CERT1: variants seen among roughly 807,000 people sequenced by gnomAD.
CERT1 encodes ceramide transfer protein.
Under a neutral mutation model 87.9 loss-of-function variants are expected in CERT1, and 31 were observed. The observed-to-expected ratio is 0.35, with a 90% CI of 0.27 to 0.48. CERT1 has a LOEUF of 0.48. CERT1 is among the 20% of genes least tolerant of loss of function. The pLI, the probability that CERT1 is intolerant of heterozygous loss-of-function variation, is 0.99. For missense variants in CERT1, 487 were observed against 758.0 expected, an observed-to-expected ratio of 0.64 and a Z score of 4.20; for synonymous variants, 289 against 250.9, an observed-to-expected ratio of 1.15 and a Z score of -1.44.
chr5:75,425,541 A>G (rs1763578721), intron 4 of CERT1, 42 bp from the exon 5 acceptor site: 3 of 1,599,506 alleles, frequency 1.9e-6, no homozygotes, highest in Non-Finnish European at 2.6e-6. Flanking sequence ...AAGTAAAACA[A>G]AACTGGATTT....
At chr5:75,432,048 T>C (rs1486146655) in intron 3 of CERT1, among the ~76,000 whole-genome samples, 4 of 144,522 alleles carry the variant, frequency 2.8e-5, no homozygotes, top group African/African-American at 5.3e-5. Context: ...GTATAAACAT[T>C]CCCCCCCCCT....
chr5:75,485,609 C>G (rs1766485846), intron 2 of CERT1, among the ~76,000 whole-genome samples: 1 of 151,764 alleles, frequency 6.6e-6, no homozygotes, highest in African/African-American at 2.4e-5. Flanking sequence ...AATTGACAAA[C>G]CTTTGATCAA....
At chr5:75,404,291 TAAAAA>T (rs11349407) in intron 8 of CERT1, among the ~76,000 whole-genome samples, 4 of 84,062 alleles carry the variant, frequency 4.8e-5, no homozygotes, top group African/African-American at 1.3e-4. Flanking sequence ...ACCTACTTCA[TAAAAA>T]AAAAAAAAAA....
intron 2 of CERT1, 39 bp downstream of exon 2, chr5:75,505,943 C>CTA: frequency 6.5e-7 from 1 of 1,548,570 alleles, no homozygotes; most frequent in South Asian, 1.1e-5. Flanking sequence ...AGCTGACACT[C>CTA]AATAAATATT....
chr5:75,383,692 A>G (rs989139642), intron 14 of CERT1, among the ~76,000 whole-genome samples: 1 of 150,768 alleles, frequency 6.6e-6, no homozygotes, highest in Non-Finnish European at 1.5e-5. Context: ...ATGTTTTCAT[A>G]TACTGCACTC....
intron 5 of CERT1, among the ~76,000 whole-genome samples, chr5:75,421,806 CAGTT>C (rs1451546255): frequency 6.6e-6 from 1 of 152,140 alleles, no homozygotes; most frequent in East Asian, 1.9e-4. Context: ...AAAGTTAAAA[CAGTT>C]TGTTACTCAC....
chr5:75,381,057 CAATAA>C lies in CERT1; in HGVS notation c.1747+10_1747+14del. 9 of 1,613,024 alleles carry C rather than the reference CAATAA, an allele frequency of 5.6e-6. No individual in the cohort carries two copies. The highest frequency in any genetic ancestry group is 7.6e-6 in the Non-Finnish European group (9 of 1,179,268). ...CAGCCACATTATCAAAGAGCAAAAA[CAATAA>C]AATACATACCATTAGCTACATATGT... On this transcript the variant is annotated intron_variant, in intron 16 of 16. Transcript: ENST00000643780.
At chr5:75,434,922 C>T (rs116405133) in intron 3 of CERT1, among the ~76,000 whole-genome samples, 313 of 151,956 alleles carry the variant, frequency 2.1e-3, no homozygotes, top group African/African-American at 7.4e-3. Flanking sequence ...CTTATTTTTC[C>T]AAAGAACCAA....
At chr5:75,422,190 C>T (rs1053061443) in intron 5 of CERT1, among the ~76,000 whole-genome samples, 5 of 152,104 alleles carry the variant, frequency 3.3e-5, no homozygotes, top group African/African-American at 1.2e-4. Context: ...TAAAGCTCCC[C>T]GAGATGATTA....
At chr5:75,490,676 C>A (rs1256806382) in intron 2 of CERT1, among the ~76,000 whole-genome samples, 1 of 151,636 alleles carries the variant, frequency 6.6e-6, no homozygotes, top group African/African-American at 2.4e-5. Context: ...TTTTTTATAT[C>A]TTTAGTAGAG....
chr5:75,416,591 T>C (rs1459557791), intron 7 of CERT1, among the ~76,000 whole-genome samples: 1 of 152,214 alleles, frequency 6.6e-6, no homozygotes, highest in Non-Finnish European at 1.5e-5. Context: ...GTGTGTAATG[T>C]TAAATGGCTC....
chr5:75,392,101 T>G (rs955706501), intron 11 of CERT1, among the ~76,000 whole-genome samples: 1 of 152,238 alleles, frequency 6.6e-6, no homozygotes, highest in African/African-American at 2.4e-5. Context: ...GTTTTTGATT[T>G]GTGGTTTTGT....
intron 2 of CERT1, among the ~76,000 whole-genome samples, chr5:75,479,347 G>A (rs1766121234): frequency 6.6e-6 from 1 of 151,850 alleles, no homozygotes; most frequent in Admixed American, 6.6e-5. Flanking sequence ...TTGTTACATA[G>A]GTGAACTCTT....
chr5:75,490,345 T>TA (rs1265086889), intron 2 of CERT1, among the ~76,000 whole-genome samples: 1 of 152,160 alleles, frequency 6.6e-6, no homozygotes, highest in African/African-American at 2.4e-5. Context: ...TAAAGTATAA[T>TA]AAAAAACCTT....
chr5:75,508,050 T>A (rs1443943262), intron 1 of CERT1, among the ~76,000 whole-genome samples: 1 of 152,236 alleles, frequency 6.6e-6, no homozygotes, highest in Non-Finnish European at 1.5e-5. Flanking sequence ...TTACTAAGCA[T>A]ATTTGCCTAC....
chr5:75,451,589 C>G (rs1343397091), intron 3 of CERT1, among the ~76,000 whole-genome samples: 7 of 152,114 alleles, frequency 4.6e-5, no homozygotes, highest in Non-Finnish European at 1.0e-4. Flanking sequence ...AAACCACATT[C>G]AAATGCAAAG....
intron 15 of CERT1, 144 bp from the exon 16 acceptor site, chr5:75,381,345 C>G (rs78587954): frequency 0.055 from 48,841 of 890,022 alleles, 1,696 homozygotes; most frequent in South Asian, 0.073. Flanking sequence ...GATATGACAC[C>G]AGGATTCCTC....
rs1434154096 is a variant in CERT1, at chr5:75,381,168, C to T, written c.1651G>A (p.Val551Ile). Residue 551 changes from valine (V) to isoleucine (I), a missense_variant, in exon 16 of 17, where the codon GTT (valine) becomes ATT (isoleucine). Val to Ile is a conservative substitution (Grantham distance 29). Coordinates refer to ENST00000643780, the MANE Select transcript of CERT1 (RefSeq NM_001379029.1). Reference protein sequence around the residue: ...NNRCVRAKINVAMICQTLVSP... With the variant: ...NNRCVRAKINIAMICQTLVSP... Reference sequence around the variant, plus strand: ...ACCAAGGTTTGACAAATCATAGCAACATTTATTTTGGCACGGACACATCGG... The same window carrying T: ...ACCAAGGTTTGACAAATCATAGCAATATTTATTTTGGCACGGACACATCGG... 3.1e-6 allele frequency: 5 copies of T among 1,614,160 alleles called. No individual in the cohort carries two copies. The South Asian group carries it at 5.5e-5, about 18-fold the overall frequency.
chr5:75,511,262 G>T lies in CERT1; in HGVS notation c.-55C>A, dbSNP rs748700181. On this transcript the variant is annotated 5_prime_UTR_variant, in exon 1 of 17. Transcript: ENST00000643780. ...CCCCCGCTCCCTCAGCTGCGCCGGA[G>T]GAGGCGCCCAGTCCTCGGGGTGAAG... is the stretch of plus-strand genomic sequence containing the variant. 6.3e-7 allele frequency: 1 copy of T among 1,598,184 alleles called. No individual in the cohort carries two copies. The highest frequency in any genetic ancestry group is 1.3e-5 in the African/African-American group (1 of 74,606).
Sources: allele counts gnomAD v4.1 joint callset (sites outside exome capture counted in the v4.1 genomes callset), GRCh38; gene constraint gnomAD v4.1.1; transcripts MANE v1.5; gene names NCBI Gene and HGNC (gene_info 2026-07-23, HGNC 2026-07-21).